COL6A6: variants seen among roughly 807,000 people sequenced by gnomAD.
COL6A6 encodes collagen alpha-6(VI) chain.
Under a neutral mutation model 208.6 loss-of-function variants are expected in COL6A6, and 183 were observed. The ratio of observed to expected loss-of-function variants is 0.88; its 90% CI spans 0.78 to 0.99. The LOEUF is 0.99. COL6A6 is among the 50% of genes least tolerant of loss of function. COL6A6 has a pLI of 0.00. For synonymous variants in COL6A6, 973 were observed against 1,011.8 expected (o/e 0.96, Z 0.73); for missense variants, 2,816 against 2,815.2 (o/e 1.00, Z -0.01).
intron 1 of COL6A6, among the ~76,000 whole-genome samples, chr3:130,547,144 C>G (rs1014031296): frequency 6.6e-6 from 1 of 152,238 alleles, no homozygotes; most frequent in African/African-American, 2.4e-5. Context: ...GTTTGGGCCA[C>G]GAGGCAGCCG....
chr3:130,626,696 C>T lies in COL6A6; in HGVS notation c.4941+149C>T, dbSNP rs2064897020. The T allele has an allele frequency of 9.9e-6, 6 of 606,150 alleles. No individual in the cohort carries two copies. The East Asian group carries it at 1.7e-4, about 17-fold the overall frequency. The allele number at this position is 606,150 out of a possible 1,614,324, so 37.5% of individuals were successfully genotyped here. On this transcript the variant is annotated intron_variant, in intron 25 of 36. Coordinates refer to ENST00000358511, the MANE Select transcript of COL6A6 (RefSeq NM_001102608.3). The stretch of plus-strand genomic sequence containing the variant: ...AAATTAGGAGGGATATTGTCTTCAT[C>T]TTAGTTCCTTGGCCAGCTTTCCCAA...
intron 12 of COL6A6, 52 bp downstream of exon 12, chr3:130,589,234 G>A: frequency 1.5e-6 from 2 of 1,320,234 alleles, no homozygotes; most frequent in East Asian, 4.6e-5. Context: ...ATGTCCTTCA[G>A]ACATGGGTTT....
At chr3:130,639,689 CAAAAAAAA>C (rs57615059) in intron 28 of COL6A6, among the ~76,000 whole-genome samples, 26 of 94,664 alleles carry the variant, frequency 2.7e-4, no homozygotes, top group African/African-American at 9.0e-4. Context: ...GATCCTGTCT[CAAAAAAAA>C]AAAAAAAAAA....
intron 33 of COL6A6, among the ~76,000 whole-genome samples, chr3:130,653,568 C>T (rs1171070992): frequency 6.6e-6 from 1 of 152,122 alleles, no homozygotes; most frequent in Non-Finnish European, 1.5e-5. Flanking sequence ...CCCAAACCTC[C>T]CATCTGTGAA....
Position 130,581,632 on chromosome 3 carries a change from C to T in COL6A6, c.3619C>T (p.Gln1207Ter). ...GAAAGGGCAGACTTTGCTTGAAGGT[C>T]AGCCTTGGATGGAAACCTACCTTCA... ...QEKGQTLLEG[Q>*]PWMETYLQDI... Residue 1207 changes from glutamine to a stop codon, truncating the protein, a stop_gained, in exon 9 of 37, where the codon CAG becomes TAG. Coordinates refer to ENST00000358511, the MANE Select transcript of COL6A6 (RefSeq NM_001102608.3). LOFTEE classifies it high-confidence loss of function. 1 of 1,613,864 alleles carries T rather than the reference C, an allele frequency of 6.2e-7. No individual in the cohort carries two copies. Among genetic ancestry groups the T allele is most frequent in the Non-Finnish European group, 8.5e-7 (1 of 1,179,792 alleles).
At position 130,610,645 on chromosome 3, in the gene COL6A6, T is replaced by G; in HGVS notation, c.4753-4T>G. The G allele has an allele frequency of 6.3e-7, 1 of 1,583,040 alleles. No homozygotes were observed. Among genetic ancestry groups the G allele is most frequent in the Non-Finnish European group, 8.6e-7 (1 of 1,162,758 alleles). ...AAAATAATGCTTTAATTCTATGTACTTAGGGCCCAAGAGGAGAGGCTGGTG... is the reference window on the plus strand; with the variant it reads ...AAAATAATGCTTTAATTCTATGTACGTAGGGCCCAAGAGGAGAGGCTGGTG... On this transcript the variant is annotated splice_polypyrimidine_tract_variant and splice_region_variant and intron_variant, in intron 22 of 36. Transcript: ENST00000358511.
chr3:130,666,691 T>G (rs2066082533), intron 36 of COL6A6, among the ~76,000 whole-genome samples: 2 of 152,160 alleles, frequency 1.3e-5, no homozygotes, highest in South Asian at 4.1e-4. Flanking sequence ...GCAGAGATGA[T>G]CAAGAATTTT....
At chr3:130,588,917 C>CAAAAAAAAAAAAAAAAAAAAAAAAA (rs58377635) in intron 11 of COL6A6, among the ~76,000 whole-genome samples, 173 bp from the exon 12 acceptor site, 1 of 68,278 alleles carries the variant, frequency 1.5e-5, no homozygotes, top group Non-Finnish European at 3.4e-5. Flanking sequence ...AAGATGGAAG[C>CAAAAAAAAAAAAAAAAAAAAAAAAA]AAAAAAAAAA....
At chr3:130,530,163 C>A (rs1023479554) in intron 1 of COL6A6, among the ~76,000 whole-genome samples, 1 of 152,316 alleles carries the variant, frequency 6.6e-6, no homozygotes, top group Non-Finnish European at 1.5e-5. Context: ...TGCCTGGCTT[C>A]GAAACCCTGG....
In COL6A6 at chr3:130,637,852, A is replaced by G. The variant is rs561580875; in HGVS notation, c.5091+2091A>G. On this transcript the variant is annotated intron_variant, in intron 28 of 36. Coordinates refer to ENST00000358511, the MANE Select transcript of COL6A6 (RefSeq NM_001102608.3). Reference sequence around the variant, plus strand: ...TTTTCCCACCTTTAAAAGCACGCACATAGTTTAAAGCAGGGTTTCTCCATA... The same window carrying G: ...TTTTCCCACCTTTAAAAGCACGCACGTAGTTTAAAGCAGGGTTTCTCCATA... Among the ~76,000 whole-genome samples, 4 of 152,096 alleles carry G rather than the reference A, an allele frequency of 2.6e-5. No homozygotes were observed. The South Asian group carries it at 8.3e-4, about 32-fold the overall frequency.
At chr3:130,654,295 T>C (rs1382450848) in intron 33 of COL6A6, among the ~76,000 whole-genome samples, 1 of 145,318 alleles carries the variant, frequency 6.9e-6, no homozygotes, top group Non-Finnish European at 1.5e-5. Context: ...AAATGTTCCA[T>C]GATTTTTTTT....
At chr3:130,608,307 A>G (rs549531930) in intron 21 of COL6A6, among the ~76,000 whole-genome samples, 1 of 152,328 alleles carries the variant, frequency 6.6e-6, no homozygotes, top group African/African-American at 2.4e-5. Flanking sequence ...TCTGATTTCT[A>G]GGAAAAGGTA....
At chr3:130,634,926 A>T (rs1472744569) in intron 27 of COL6A6, among the ~76,000 whole-genome samples, 1 of 152,118 alleles carries the variant, frequency 6.6e-6, no homozygotes, top group African/African-American at 2.4e-5. Flanking sequence ...ATATTTTCTT[A>T]TTTACTGAAA....
At chr3:130,576,105 T>A (rs2063289825) in intron 8 of COL6A6, among the ~76,000 whole-genome samples, 1 of 152,150 alleles carries the variant, frequency 6.6e-6, no homozygotes. Flanking sequence ...CAATAACATA[T>A]CGATTGCCCT....
intron 26 of COL6A6, among the ~76,000 whole-genome samples, chr3:130,628,141 A>G (rs925557063): frequency 6.6e-6 from 1 of 152,238 alleles, no homozygotes; most frequent in African/African-American, 2.4e-5. Context: ...GGCCATCTGG[A>G]AGAATAAAGG....
At chr3:130,590,281 A>G (rs1163753140) in intron 12 of COL6A6, among the ~76,000 whole-genome samples, 1 of 15,458 alleles carries the variant, frequency 6.5e-5, no homozygotes, top group African/African-American at 2.8e-4. Flanking sequence ...ATATATATAT[A>G]TATATATATA....
At chr3:130,654,479 T>G (rs2065734215) in intron 33 of COL6A6, among the ~76,000 whole-genome samples, 1 of 152,206 alleles carries the variant, frequency 6.6e-6, no homozygotes, top group South Asian at 2.1e-4. Context: ...TTAATAGCTA[T>G]TAATAATGCA....
intron 1 of COL6A6, among the ~76,000 whole-genome samples, chr3:130,537,204 A>G (rs945988015): frequency 6.6e-6 from 1 of 152,236 alleles, no homozygotes; most frequent in South Asian, 2.1e-4. Flanking sequence ...CTACATTCAC[A>G]TTTGATTGAT....
intron 12 of COL6A6, chr3:130,589,856 A>C: frequency 3.5e-6 from 1 of 284,188 alleles, no homozygotes; most frequent in Non-Finnish European, 7.1e-6. Flanking sequence ...CAGTTTGTTT[A>C]CATGTGTTTT....
Sources: gnomAD v4.1 joint callset for allele counts (sites outside exome capture counted in the v4.1 genomes callset) on GRCh38, gnomAD v4.1.1 for gene constraint, MANE v1.5 for transcripts, NCBI Gene and HGNC (gene_info 2026-07-23, HGNC 2026-07-21) for gene names.